REC114: variants seen among roughly 807,000 people sequenced by gnomAD.
The protein encoded by REC114 is meiotic recombination protein REC114.
Under a neutral mutation model 31.3 loss-of-function variants are expected in REC114, and 27 were observed. The ratio of observed to expected loss-of-function variants is 0.86; its 90% CI spans 0.64 to 1.19. The LOEUF (loss-of-function observed/expected upper bound fraction) is 1.19, where lower values mean the gene tolerates loss of function less well. Among genes scored for constraint, REC114 ranks in the 50% most tolerant of loss-of-function variants. The pLI is 0.00. For missense variants in REC114, 344 were observed against 326.9 expected (o/e 1.05, Z -0.40); for synonymous variants, 134 against 127.7 (o/e 1.05, Z -0.33).
At chr15:73,493,860 T>A (rs756442397) in intron 2 of REC114, among the ~76,000 whole-genome samples, 2 of 152,224 alleles carry the variant, frequency 1.3e-5, no homozygotes, top group Non-Finnish European at 2.9e-5. Flanking sequence ...TTTCTCCGAT[T>A]ATTATCTGGT....
At chr15:73,523,540 A>G (rs1416073821) in intron 2 of REC114, among the ~76,000 whole-genome samples, 1 of 152,230 alleles carries the variant, frequency 6.6e-6, no homozygotes, top group Non-Finnish European at 1.5e-5. Context: ...AAGCTAGGTT[A>G]CAGTTCATCC....
At chr15:73,444,404 G>A (rs1892739044) in intron 1 of REC114, among the ~76,000 whole-genome samples, 1 of 152,180 alleles carries the variant, frequency 6.6e-6, no homozygotes, top group African/African-American at 2.4e-5. Flanking sequence ...ATACTTTGCT[G>A]TCATTTCAGC....
chr15:73,488,554 T>C (rs1893403635), intron 2 of REC114, among the ~76,000 whole-genome samples: 1 of 152,240 alleles, frequency 6.6e-6, no homozygotes, highest in Non-Finnish European at 1.5e-5. Flanking sequence ...GCCTTTAAAT[T>C]CTGCCTTCCT....
chr15:73,466,750 C>T (rs1893066535), intron 1 of REC114, among the ~76,000 whole-genome samples: 1 of 152,132 alleles, frequency 6.6e-6, no homozygotes, highest in Non-Finnish European at 1.5e-5. Context: ...CTAAAATTTG[C>T]ACTTATTAAA....
At chr15:73,499,376 C>T (rs569238606) in intron 2 of REC114, among the ~76,000 whole-genome samples, 17 of 152,090 alleles carry the variant, frequency 1.1e-4, no homozygotes, top group South Asian at 2.1e-4. Flanking sequence ...CACCAGAATC[C>T]AGTTTGATCA....
At chr15:73,462,585 T>C (rs1301980070) in intron 1 of REC114, among the ~76,000 whole-genome samples, 2 of 152,122 alleles carry the variant, frequency 1.3e-5, no homozygotes, top group Non-Finnish European at 2.9e-5. Flanking sequence ...ATCATCTAGC[T>C]TTAAGAATTA....
intron 2 of REC114, among the ~76,000 whole-genome samples, chr15:73,521,251 A>C (rs759879062): frequency 1.3e-5 from 2 of 152,214 alleles, no homozygotes; most frequent in South Asian, 4.1e-4. Context: ...AGATGAAACA[A>C]AACAACAACT....
intron 2 of REC114, among the ~76,000 whole-genome samples, chr15:73,499,230 A>C (rs1009438097): frequency 3.9e-5 from 6 of 151,960 alleles, no homozygotes; most frequent in Non-Finnish European, 8.8e-5. Context: ...TGCCAGCAGA[A>C]AGTGCAATTA....
At chr15:73,461,908 T>C (rs1025003231) in intron 1 of REC114, among the ~76,000 whole-genome samples, 21 of 140,864 alleles carry the variant, frequency 1.5e-4, no homozygotes, top group Non-Finnish European at 3.2e-5. Flanking sequence ...CATTTTTCTT[T>C]TTCTTTTTCT....
chr15:73,546,471 G>A (rs977706365), intron 3 of REC114, among the ~76,000 whole-genome samples: 4 of 151,858 alleles, frequency 2.6e-5, no homozygotes, highest in African/African-American at 9.7e-5. Flanking sequence ...CATCCATAGG[G>A]GGCCAGTTAA....
intron 2 of REC114, among the ~76,000 whole-genome samples, chr15:73,506,532 T>C (rs561767819): frequency 6.6e-6 from 1 of 152,202 alleles, no homozygotes. Flanking sequence ...TATATAATAA[T>C]TCAGGAATTA....
At chr15:73,549,436 C>T (rs754746626) in intron 3 of REC114, among the ~76,000 whole-genome samples, 14 of 152,108 alleles carry the variant, frequency 9.2e-5, no homozygotes, top group African/African-American at 1.2e-4. Context: ...TTTGATAGCA[C>T]AACAGGATGA....
intron 3 of REC114, among the ~76,000 whole-genome samples, chr15:73,544,548 T>C (rs983644129): frequency 2.0e-5 from 3 of 152,142 alleles, no homozygotes; most frequent in African/African-American, 7.2e-5. Flanking sequence ...GCAATTCTGA[T>C]CAAATAGGGG....
At chr15:73,470,317 C>T (rs1020449432) in intron 1 of REC114, among the ~76,000 whole-genome samples, 1 of 152,118 alleles carries the variant, frequency 6.6e-6, no homozygotes, top group Non-Finnish European at 1.5e-5. Flanking sequence ...AATTTTTATG[C>T]ATTTGCCCAT....
intron 5 of REC114, among the ~76,000 whole-genome samples, chr15:73,557,915 AATTTC>A (rs1223770055): frequency 3.9e-5 from 6 of 152,238 alleles, no homozygotes; most frequent in South Asian, 2.1e-4. Flanking sequence ...TGTTAGCTAT[AATTTC>A]ATTTCAACTA....
chr15:73,473,224 A>G lies in REC114; in HGVS notation c.160-608A>G, dbSNP rs565040562. ...ACGAACATGGTGAAACCCCATCTCC[A>G]CTAAAAATACAAAAATTAACCGGGC... On this transcript the variant is annotated intron_variant, in intron 1 of 5. Coordinates refer to ENST00000331090, the MANE Select transcript of REC114 (RefSeq NM_001042367.2). Among the ~76,000 whole-genome samples the G allele has an allele frequency of 4.6e-5, 7 of 152,184 alleles. No individual in the cohort carries two copies. In the East Asian group the frequency reaches 1.4e-3, roughly 29 times the overall value.
At chr15:73,477,772 A>G (rs1287680556) in intron 2 of REC114, among the ~76,000 whole-genome samples, 3 of 152,076 alleles carry the variant, frequency 2.0e-5, no homozygotes, top group African/African-American at 7.2e-5. Flanking sequence ...CAGCTCTTAT[A>G]TTTAGGCCTC....
At chr15:73,515,794 G>A (rs1269508916) in intron 2 of REC114, among the ~76,000 whole-genome samples, 1 of 152,156 alleles carries the variant, frequency 6.6e-6, no homozygotes, top group African/African-American at 2.4e-5. Context: ...TTCCAGAAAT[G>A]TGAGAAATGA....
intron 1 of REC114, among the ~76,000 whole-genome samples, chr15:73,465,267 G>A (rs1213491789): frequency 6.6e-6 from 1 of 152,160 alleles, no homozygotes; most frequent in Admixed American, 6.5e-5. Flanking sequence ...AGACTTCAGG[G>A]ATGCAATGAA....
Sources: allele counts gnomAD v4.1 joint callset (sites outside exome capture counted in the v4.1 genomes callset), GRCh38; gene constraint gnomAD v4.1.1; transcripts MANE v1.5; gene names NCBI Gene and HGNC (gene_info 2026-07-23, HGNC 2026-07-21).